FBXL8: variants seen among roughly 807,000 people sequenced by gnomAD.
The protein encoded by FBXL8 is F-box/LRR-repeat protein 8.
A neutral mutation model predicts 8.2 loss-of-function variants in FBXL8; 13 were observed. The ratio of observed to expected loss-of-function variants is 1.58; its 90% confidence interval spans 1.03 to 2.51. The LOEUF is 2.51. FBXL8 is among the 30% of genes most tolerant of loss of function. FBXL8 has a pLI of 0.00. For synonymous variants in FBXL8, 271 were observed against 260.5 expected, an observed-to-expected ratio of 1.04 and a Z score of -0.39; for missense variants, 565 against 540.4, an observed-to-expected ratio of 1.05 and a Z score of -0.45.
chr16:67,163,910 C>T lies in FBXL8; in HGVS notation c.*90C>T. 2 of 1,518,776 alleles carry T rather than the reference C, an allele frequency of 1.3e-6. No individual in the cohort carries two copies. Among genetic ancestry groups the T allele is most frequent in the Non-Finnish European group, 8.8e-7 (1 of 1,134,050 alleles). The allele number at this position is 1,518,776 out of a possible 1,614,324, so 94.1% of individuals were successfully genotyped here. A position where few individuals can be genotyped will look rare whatever the true frequency, so the allele number is the denominator to read the frequency against. On this transcript the variant is annotated 3_prime_UTR_variant, in exon 3 of 3. Transcript: ENST00000258200. ...CCAGGCGCGCCCCGAGTGCTAGTGC[C>T]TTCTTTTGGGATTGTTGCCCCCCGG...
At position 67,163,654 on chromosome 16, in the gene FBXL8, T is replaced by G. The variant is rs1416190440; in HGVS notation, c.959T>G (p.Leu320Arg). Residue 320 changes from leucine to arginine, a missense_variant, in exon 3 of 3, where the codon CTG becomes CGG. Transcript: ENST00000258200. ...GCTTCGGCCGAGCTGAACGCCGCGCTGGAGGAGCTGGCGGCGCGCTGCGCG... is the reference window on the plus strand; with the variant it reads ...GCTTCGGCCGAGCTGAACGCCGCGCGGGAGGAGCTGGCGGCGCGCTGCGCG... ...AAASAELNAA[L>R]EELAARCAAL... 1 of 1,570,804 alleles carries G rather than the reference T, an allele frequency of 6.4e-7. No homozygotes were observed. The highest frequency in any genetic ancestry group is 1.1e-5 in the South Asian group (1 of 87,916).
chr16:67,162,114 G>A, intron 2 of FBXL8, 177 bp downstream of exon 2: 1 of 763,504 alleles, frequency 1.3e-6, no homozygotes, highest in Non-Finnish European at 1.9e-6. Flanking sequence ...TGGATCACCT[G>A]AGGTCAGGAG....
rs532606041 is a variant in FBXL8 at position 67,160,051 on chromosome 16, G to A, written c.-57G>A. 2 of 152,356 alleles carry A rather than the reference G, an allele frequency of 1.3e-5. No individual in the cohort carries two copies. The highest frequency in any genetic ancestry group is 6.5e-5 in the Admixed American group (1 of 15,312). The allele number at this position is 152,356 out of a possible 1,614,324, so 9.4% of individuals were successfully genotyped here. On this transcript the variant is annotated 5_prime_UTR_variant, in exon 1 of 3. Transcript: ENST00000258200. ...CCGGGCAAAGCCCATCTGGTCCGCC[G>A]AGCAGGTAAGACACCAGCGCCCAAG... is the stretch of plus-strand genomic sequence containing the variant.
Position 67,163,657 on chromosome 16 carries a change from A to G in FBXL8, c.962A>G (p.Glu321Gly), listed in dbSNP as rs2031027800. ...AASAELNAAL[E>G]ELAARCAALR... ...TCGGCCGAGCTGAACGCCGCGCTGG[A>G]GGAGCTGGCGGCGCGCTGCGCGGCC... Residue 321 changes from glutamate (E) to glycine (G), a missense_variant, in exon 3 of 3, where the codon GAG becomes GGG. Physicochemically the swap from Glu to Gly is moderately conservative, Grantham distance 98. Transcript: ENST00000258200. The G allele has an allele frequency of 6.4e-7, 1 of 1,571,674 alleles. No individual in the cohort carries two copies. Among genetic ancestry groups the G allele is most frequent in the African/African-American group, 1.4e-5 (1 of 73,112 alleles).
chr16:67,162,254 G>A, intron 2 of FBXL8: 1 of 390,510 alleles, frequency 2.6e-6, no homozygotes, highest in East Asian at 4.8e-5. Context: ...GCTTGAACCC[G>A]GGAGGCAAAG....
At position 67,161,825 on chromosome 16, in the gene FBXL8, G is replaced by A. The variant is rs745589248; in HGVS notation, c.40G>A (p.Ala14Thr). Residue 14 changes from alanine (A) to threonine (T), a missense_variant, in exon 2 of 3, where the codon GCA (alanine) becomes ACA (threonine). Ala to Thr is a moderately conservative substitution (Grantham distance 58). Transcript: ENST00000258200. ...AGAGGGACTGCCAGAGGAGGTGCTGGCACTCATCTTCCGCCACCTGTCCCT... is the reference window on the plus strand; with the variant it reads ...AGAGGGACTGCCAGAGGAGGTGCTGACACTCATCTTCCGCCACCTGTCCCT... ...PGEGLPEEVL[A>T]LIFRHLSLRD... 6.2e-7 allele frequency: 1 copy of A among 1,610,532 alleles called. No homozygotes were observed.
chr16:67,162,365 A>G, intron 2 of FBXL8: 1 of 564,714 alleles, frequency 1.8e-6, no homozygotes, highest in Non-Finnish European at 3.2e-6. Flanking sequence ...TTGACTGCCT[A>G]GTATATACCA....
At chr16:67,160,756 G>A (rs1173850428) in intron 1 of FBXL8, among the ~76,000 whole-genome samples, 5 of 152,182 alleles carry the variant, frequency 3.3e-5, no homozygotes, top group Admixed American at 3.3e-4. Context: ...ACTTCAAAGA[G>A]GACGCACACT....
At chr16:67,162,654 C>T (rs2030955866) in intron 2 of FBXL8, 194 bp from the exon 3 acceptor site, 4 of 776,078 alleles carry the variant, frequency 5.2e-6, no homozygotes, top group Admixed American at 2.0e-5. Flanking sequence ...CTGTGGCAGA[C>T]GCCACTGAAA....
rs1471661254 is a variant in FBXL8, at chr16:67,163,667, G to T, written c.972G>T (p.Ala324=). The change falls in exon 3 of 3, where the codon GCG becomes GCT. Residue 324 remains alanine, a synonymous_variant. Transcript: ENST00000258200. Reference sequence around the variant, plus strand: ...TGAACGCCGCGCTGGAGGAGCTGGCGGCGCGCTGCGCGGCCCTGCGCGAGG... The same window carrying T: ...TGAACGCCGCGCTGGAGGAGCTGGCTGCGCGCTGCGCGGCCCTGCGCGAGG... ...AELNAALEEL[A]ARCAALREVH... is the part of the protein sequence containing the mutation. The T allele has an allele frequency of 1.3e-6, 2 of 1,574,104 alleles. No individual in the cohort carries two copies. The highest frequency in any genetic ancestry group is 4.7e-5 in the East Asian group (2 of 42,804).
rs2031018737 is a variant in FBXL8, at chr16:67,163,567, C to CG, written c.872_873insG (p.Val292SerfsTer113). 2 of 1,580,922 alleles carry CG rather than the reference C, an allele frequency of 1.3e-6. No homozygotes were observed. Among genetic ancestry groups the CG allele is most frequent in the African/African-American group, 2.7e-5 (2 of 73,772 alleles). ...AACCTCTCAGGCGACACCGTAGGCC[C>CG]AGTGCGCTTCGCAGCACACCACTAC... On this transcript the variant is annotated frameshift_variant, in exon 3 of 3. Coordinates refer to ENST00000258200, the MANE Select transcript of FBXL8 (RefSeq NM_018378.3). LOFTEE classifies it high-confidence loss of function.
chr16:67,162,831 C>T lies in FBXL8; in HGVS notation c.153-17C>T, dbSNP rs1267374739. On this transcript the variant is annotated splice_polypyrimidine_tract_variant and intron_variant, in intron 2 of 2. Coordinates refer to ENST00000258200, the MANE Select transcript of FBXL8 (RefSeq NM_018378.3). ...AGGGACTCAGCTGAGGCCTTTTCTG[C>T]ACGGCTCTAACCCAAGTTGCGAATG... 1 of 1,550,118 alleles carries T rather than the reference C, an allele frequency of 6.5e-7. No homozygotes were observed. The highest frequency in any genetic ancestry group is 8.7e-7 in the Non-Finnish European group (1 of 1,146,666).
rs1243883477 is a variant in FBXL8 at position 67,163,419 on chromosome 16, T to C, written c.724T>C (p.Trp242Arg). 5 of 1,536,580 alleles carry C rather than the reference T, an allele frequency of 3.3e-6. No homozygotes were observed. The South Asian group carries it at 3.5e-5, about 11-fold the overall frequency. The stretch of plus-strand genomic sequence containing the variant: ...CGCGTCCCCGCTGCCCAACGAAGCC[T>C]GGGTCGCGTTGCGCCGCCGCCACCC... ...ARASPLPNEAWVALRRRHPGL... is the reference protein window; with the variant it reads ...ARASPLPNEARVALRRRHPGL... The change falls in exon 3 of 3, where the codon TGG becomes CGG. Residue 242 changes from tryptophan to arginine, a missense_variant. By Grantham distance (101) the Trp-to-Arg change is moderately radical. Coordinates refer to ENST00000258200, the MANE Select transcript of FBXL8 (RefSeq NM_018378.3).
At position 67,163,967 on chromosome 16, in the gene FBXL8, C is replaced by G; in HGVS notation, c.*147C>G. On this transcript the variant is annotated 3_prime_UTR_variant, in exon 3 of 3. Coordinates refer to ENST00000258200, the MANE Select transcript of FBXL8 (RefSeq NM_018378.3). ...ACCGAGTTGGGAACTGTGATGGCAT[C>G]GGGACCAGTCCTGGGCGCCCTGAGA... 1 of 1,253,620 alleles carries G rather than the reference C, an allele frequency of 8.0e-7. No homozygotes were observed. The highest frequency in any genetic ancestry group is 1.3e-5 in the South Asian group (1 of 77,458). 77.7% of individuals were successfully genotyped at this position (1,253,620 alleles called of 1,614,324 possible).
intron 2 of FBXL8, 61 bp from the exon 3 acceptor site, chr16:67,162,787 A>C (rs2030961842): frequency 2.6e-6 from 4 of 1,547,942 alleles, no homozygotes; most frequent in Non-Finnish European, 3.5e-6. Context: ...GGGTGGGTAG[A>C]GGCTTCTCCG....
Position 67,161,691 on chromosome 16 carries a change from CACTTTGCGCCTTCCCGACCTCAGAG to C in FBXL8, c.-51-41_-51-17del. ...ACACCTAAGCTCGGTCTTCCTGCAA[CACTTTGCGCCTTCCCGACCTCAGAG>C]ACGTCCGTCTCTCTCCAGGCCGGAG... On this transcript the variant is annotated intron_variant, in intron 1 of 2. Transcript: ENST00000258200. 7.1e-7 allele frequency: 1 copy of C among 1,415,818 alleles called. No homozygotes were observed. The highest frequency in any genetic ancestry group is 9.3e-7 in the Non-Finnish European group (1 of 1,070,960). The allele number at this position is 1,415,818 out of a possible 1,614,324, so 87.7% of individuals were successfully genotyped here.
rs754228472 is a variant in FBXL8, at chr16:67,163,857, G to A, written c.*37G>A. ...CTCTCCCCCGTCCCCGTGGACGTAA[G>A]CGCTCTGAGAGGGAACGGGGGGGGT... On this transcript the variant is annotated 3_prime_UTR_variant, in exon 3 of 3. Transcript: ENST00000258200. The A allele has an allele frequency of 2.7e-6, 4 of 1,498,134 alleles. No homozygotes were observed. The East Asian group carries it at 9.4e-5, about 35-fold the overall frequency. 92.8% of individuals were successfully genotyped at this position (1,498,134 alleles called of 1,614,324 possible). A position where few individuals can be genotyped will look rare whatever the true frequency, so the allele number is the denominator to read the frequency against.
intron 1 of FBXL8, 43 bp from the exon 2 acceptor site, chr16:67,161,692 A>T (rs2030909115): frequency 2.2e-5 from 32 of 1,422,904 alleles, no homozygotes; most frequent in Non-Finnish European, 2.9e-5. Flanking sequence ...TTCCTGCAAC[A>T]CTTTGCGCCT....
At position 67,163,513 on chromosome 16, in the gene FBXL8, C is replaced by T. The variant is rs1246397953; in HGVS notation, c.818C>T (p.Pro273Leu). ...PAESVTRVLQ[P>L]AVPVAALRLN... ...GAGAGCGTGACGCGCGTCCTGCAGC[C>T]AGCCGTCCCCGTGGCTGCGCTGCGC... The change falls in exon 3 of 3, where the codon CCA (proline) becomes CTA (leucine). Residue 273 changes from proline to leucine, a missense_variant. Coordinates refer to ENST00000258200, the MANE Select transcript of FBXL8 (RefSeq NM_018378.3). The T allele has an allele frequency of 1.3e-6, 2 of 1,550,590 alleles. No homozygotes were observed. The highest frequency in any genetic ancestry group is 8.7e-7 in the Non-Finnish European group (1 of 1,155,840).
Sources: allele counts gnomAD v4.1 joint callset (sites outside exome capture counted in the v4.1 genomes callset), GRCh38; gene constraint gnomAD v4.1.1; transcripts MANE v1.5; gene names NCBI Gene and HGNC (gene_info 2026-07-23, HGNC 2026-07-21).